The following RNGTT variants were observed in gnomAD, a reference collection of about 807,000 sequenced individuals.
The protein encoded by RNGTT is mRNA-capping enzyme.
A neutral mutation model predicts 79.3 loss-of-function variants in RNGTT; 33 were observed. The ratio of observed to expected loss-of-function variants is 0.42; its 90% CI spans 0.32 to 0.56. RNGTT has a LOEUF of 0.56. RNGTT is among the 20% of genes least tolerant of loss of function. RNGTT has a pLI of 0.17. For missense variants in RNGTT, 497 were observed against 739.1 expected (o/e 0.67, Z 3.80); for synonymous variants, 222 against 235.9 (o/e 0.94, Z 0.54).
chr6:88,689,343 T>C (rs1775393331), intron 13 of RNGTT, among the ~76,000 whole-genome samples: 2 of 152,194 alleles, frequency 1.3e-5, no homozygotes, highest in South Asian at 4.1e-4. Context: ...CTCACACCTA[T>C]AATCCCAGCA....
chr6:88,878,708 G>A (rs1782598387), intron 8 of RNGTT, among the ~76,000 whole-genome samples: 2 of 151,998 alleles, frequency 1.3e-5, no homozygotes, highest in African/African-American at 4.8e-5. Context: ...TAGTTCTTAT[G>A]TTACATATCA....
chr6:88,708,006 G>A (rs764254222), intron 13 of RNGTT, among the ~76,000 whole-genome samples: 3 of 151,880 alleles, frequency 2.0e-5, no homozygotes, highest in Non-Finnish European at 2.9e-5. Context: ...ACTCAGTTTC[G>A]AGGAGTGGAC....
intron 4 of RNGTT, among the ~76,000 whole-genome samples, chr6:88,911,169 T>C (rs886520372): frequency 2.0e-5 from 3 of 151,966 alleles, no homozygotes; most frequent in Non-Finnish European, 4.4e-5. Flanking sequence ...ACACTCCACT[T>C]AAAAGACACA....
intron 14 of RNGTT, among the ~76,000 whole-genome samples, chr6:88,652,888 A>T (rs1773848785): frequency 1.3e-5 from 2 of 152,178 alleles, no homozygotes; most frequent in South Asian, 2.1e-4. Context: ...TTATTAGGCA[A>T]GAGGACAAGA....
chr6:88,771,328 TATATATATATATATATATATATACAC>T (rs1778665621), intron 12 of RNGTT, among the ~76,000 whole-genome samples: 1 of 99,368 alleles, frequency 1.0e-5, no homozygotes, highest in African/African-American at 4.2e-5. Context: ...TATATATATA[TATATATATATATATATATATATACAC>T]ACACACACAC....
At chr6:88,717,387 G>A (rs529542057) in intron 13 of RNGTT, among the ~76,000 whole-genome samples, 11 of 152,226 alleles carry the variant, frequency 7.2e-5, no homozygotes, top group African/African-American at 2.4e-4. Flanking sequence ...ATCTCAGATG[G>A]ATACAAATAT....
chr6:88,883,027 A>G (rs1782739438), intron 8 of RNGTT, among the ~76,000 whole-genome samples: 1 of 152,096 alleles, frequency 6.6e-6, no homozygotes, highest in Non-Finnish European at 1.5e-5. Flanking sequence ...AAGCTCTCTA[A>G]TCTTCCCAAA....
intron 13 of RNGTT, among the ~76,000 whole-genome samples, chr6:88,760,861 C>A (rs1778192254): frequency 6.7e-6 from 1 of 148,976 alleles, no homozygotes; most frequent in Admixed American, 6.7e-5. Context: ...TTCAAATAAG[C>A]ATGAGAAAAC....
intron 11 of RNGTT, among the ~76,000 whole-genome samples, 182 bp from the exon 12 acceptor site, chr6:88,801,814 C>A: frequency 7.1e-6 from 1 of 139,960 alleles, no homozygotes; most frequent in East Asian, 2.0e-4. Flanking sequence ...TTTGAATACA[C>A]ACACACAGAC....
intron 14 of RNGTT, among the ~76,000 whole-genome samples, chr6:88,652,607 G>T (rs191164163): frequency 6.6e-6 from 1 of 152,198 alleles, no homozygotes; most frequent in African/African-American, 2.4e-5. Context: ...TACAAATTTG[G>T]GGAACGTGTG....
At chr6:88,656,066 T>C (rs1451832937) in intron 14 of RNGTT, among the ~76,000 whole-genome samples, 1 of 152,102 alleles carries the variant, frequency 6.6e-6, no homozygotes, top group Non-Finnish European at 1.5e-5. Flanking sequence ...AGAATATATA[T>C]ATTAAGATAA....
chr6:88,945,488 A>G (rs1784978948), intron 1 of RNGTT, among the ~76,000 whole-genome samples: 1 of 152,048 alleles, frequency 6.6e-6, no homozygotes, highest in African/African-American at 2.4e-5. Flanking sequence ...TCACCCACCT[A>G]ACACCTCCAT....
intron 13 of RNGTT, among the ~76,000 whole-genome samples, chr6:88,748,903 C>G (rs1777753229): frequency 6.6e-6 from 1 of 151,716 alleles, no homozygotes; most frequent in East Asian, 1.9e-4. Context: ...CGAGGCTCAT[C>G]ATAGTAAATC....
At chr6:88,710,569 T>C (rs902808226) in intron 13 of RNGTT, among the ~76,000 whole-genome samples, 1 of 152,188 alleles carries the variant, frequency 6.6e-6, no homozygotes, top group Non-Finnish European at 1.5e-5. Context: ...TGCAACCACA[T>C]CAACCTAACG....
intron 13 of RNGTT, among the ~76,000 whole-genome samples, chr6:88,694,577 A>G (rs994683172): frequency 7.2e-5 from 11 of 152,160 alleles, no homozygotes; most frequent in Non-Finnish European, 1.2e-4. Flanking sequence ...ATTTTTCACA[A>G]AAATAGAAAA....
At chr6:88,895,810 C>T (rs1255922949) in intron 6 of RNGTT, among the ~76,000 whole-genome samples, 2 of 152,136 alleles carry the variant, frequency 1.3e-5, no homozygotes, top group African/African-American at 4.8e-5. Flanking sequence ...TGACACCATC[C>T]ACAATTCAAC....
intron 4 of RNGTT, among the ~76,000 whole-genome samples, chr6:88,924,063 TG>T (rs1197380878): frequency 6.6e-6 from 1 of 152,166 alleles, no homozygotes; most frequent in East Asian, 1.9e-4. Context: ...ACCTCAATGC[TG>T]GGGGGCTCCA....
chr6:88,720,614 T>C (rs532566784), intron 13 of RNGTT, among the ~76,000 whole-genome samples: 3 of 152,148 alleles, frequency 2.0e-5, no homozygotes, highest in Non-Finnish European at 4.4e-5. Flanking sequence ...GAGATGTTAA[T>C]TGCCCAGGTT....
chr6:88,826,855 TATATATATATATATA>T, intron 11 of RNGTT, among the ~76,000 whole-genome samples: 1 of 136,402 alleles, frequency 7.3e-6, no homozygotes, highest in African/African-American at 3.2e-5. Context: ...TGTGTGTGTG[TATATATATATATATA>T]ATATACTATA....
Sources: gnomAD v4.1 joint callset for allele counts (sites outside exome capture counted in the v4.1 genomes callset) on GRCh38, gnomAD v4.1.1 for gene constraint, MANE v1.5 for transcripts, NCBI Gene and HGNC (gene_info 2026-07-23, HGNC 2026-07-21) for gene names.